The following SCUBE2 variants were observed in gnomAD, a reference collection of about 807,000 sequenced individuals.
The protein encoded by SCUBE2 is signal peptide, CUB and EGF-like domain-containing protein 2.
Under a neutral mutation model 125.9 loss-of-function variants are expected in SCUBE2, and 114 were observed. The observed-to-expected ratio is 0.91, with a 90% CI of 0.78 to 1.06. The LOEUF (loss-of-function observed/expected upper bound fraction) is 1.06, where lower values mean the gene tolerates loss of function less well. Among genes scored for constraint, SCUBE2 ranks in the 50% least tolerant of loss-of-function variants. The pLI is 0.00. For synonymous variants in SCUBE2, 459 were observed against 492.9 expected, an observed-to-expected ratio of 0.93 and a Z score of 0.91; for missense variants, 1,255 against 1,301.8, an observed-to-expected ratio of 0.96 and a Z score of 0.55.
intron 9 of SCUBE2, 122 bp downstream of exon 9, chr11:9,059,181 G>A (rs1859414880): frequency 1.8e-6 from 2 of 1,116,092 alleles, no homozygotes; most frequent in South Asian, 3.2e-5. Context: ...GCCTAGGAAG[G>A]AGATTGGATT....
chr11:9,074,415 T>G (rs1010704374), intron 4 of SCUBE2, 66 bp downstream of exon 4: 1 of 1,578,700 alleles, frequency 6.3e-7, no homozygotes. Context: ...TCAGTGTGTG[T>G]GTGCGCGTGC....
chr11:9,086,495 C>T (rs969222619), intron 2 of SCUBE2, among the ~76,000 whole-genome samples: 1 of 152,212 alleles, frequency 6.6e-6, no homozygotes, highest in Non-Finnish European at 1.5e-5. Flanking sequence ...CTCATTTCCT[C>T]TCCTTTTCCT....
intron 4 of SCUBE2, among the ~76,000 whole-genome samples, chr11:9,071,135 G>A (rs1401104024): frequency 2.6e-5 from 4 of 152,280 alleles, no homozygotes; most frequent in Admixed American, 6.5e-5. Context: ...TGGGTCAGCC[G>A]AGCATGGGAA....
intron 1 of SCUBE2, 68 bp from the exon 2 acceptor site, chr11:9,089,897 T>C: frequency 6.4e-7 from 1 of 1,567,248 alleles, no homozygotes; most frequent in East Asian, 2.3e-5. Context: ...CTCGGCCCTG[T>C]CTGGCATCAT....
intron 5 of SCUBE2, 139 bp from the exon 6 acceptor site, chr11:9,066,952 A>G (rs1860305096): frequency 1.5e-6 from 1 of 678,700 alleles, no homozygotes; most frequent in East Asian, 2.7e-5. Context: ...CACGAAAGAC[A>G]TAACTCCAAG....
At position 9,091,427 on chromosome 11, in the gene SCUBE2, C is replaced by T; in HGVS notation, c.102G>A (p.Pro34=). The change falls in exon 1 of 23, where the codon CCG becomes CCA. Residue 34 remains proline, a synonymous_variant. Coordinates refer to ENST00000649792, the MANE Select transcript of SCUBE2 (RefSeq NM_001367977.2). The surrounding 1 kb of genome is among the most constrained non-coding windows in gnomAD (Gnocchi z 8.5). ...PLLLLAGAVP[P]GRGRAAGPQE... The stretch of plus-strand genomic sequence containing the variant: ...GCGGCCCCGCGGCACGGCCCCGACC[C>T]GGCGGGACGGCCCCCGCCAGCAGCA... 2.3e-6 allele frequency: 3 copies of T among 1,331,770 alleles called. No homozygotes were observed. Among genetic ancestry groups the T allele is most frequent in the Non-Finnish European group, 2.9e-6 (3 of 1,042,794 alleles). 82.5% of individuals were successfully genotyped at this position (1,331,770 alleles called of 1,614,324 possible).
Position 9,053,174 on chromosome 11 carries a change from A to C in SCUBE2, c.1372T>G (p.Ser458Ala), listed in dbSNP as rs148834778. 1.2e-4 allele frequency: 196 copies of C among 1,614,228 alleles called. No individual in the cohort carries two copies. Among genetic ancestry groups the C allele is most frequent in the Non-Finnish European group, 1.6e-4 (189 of 1,180,040 alleles). The part of the protein sequence containing the change: ...LLPTSVSPRV[S>A]LHCGKSGGGD... ...CCACCACTCTTACCGCAGTGCAGGG[A>C]CACACGGGGTGACACACTTGTGGGC... The change falls in exon 12 of 23, where the codon TCC becomes GCC. Residue 458 changes from serine (S) to alanine (A), a missense_variant. Physicochemically the swap from Ser to Ala is moderately conservative, Grantham distance 99 (BLOSUM62 1). Around this residue, in one of 3 missense-constraint regions of SCUBE2, gnomAD observed 378 missense variants for 463.1 expected, o/e 0.82. Transcript: ENST00000649792.
intron 16 of SCUBE2, among the ~76,000 whole-genome samples, chr11:9,044,958 C>A (rs1167108223): frequency 6.6e-6 from 1 of 152,306 alleles, no homozygotes; most frequent in South Asian, 2.1e-4. Flanking sequence ...CTCACCTTGG[C>A]CTGGCACTTT....
At chr11:9,038,150 T>G (rs1732893975) in intron 16 of SCUBE2, among the ~76,000 whole-genome samples, 1 of 152,112 alleles carries the variant, frequency 6.6e-6, no homozygotes, top group Non-Finnish European at 1.5e-5. Context: ...CTAATGGGGT[T>G]CTCAGGGCAG....
intron 10 of SCUBE2, 77 bp from the exon 11 acceptor site, chr11:9,053,836 G>T: frequency 1.3e-6 from 2 of 1,540,630 alleles, no homozygotes; most frequent in Non-Finnish European, 1.8e-6. Flanking sequence ...TGAGGAAGGA[G>T]CAGCAGGGGA....
chr11:9,021,326 T>G (rs1447679395), intron 22 of SCUBE2, 129 bp from the exon 23 acceptor site: 3 of 637,090 alleles, frequency 4.7e-6, no homozygotes, highest in Non-Finnish European at 7.1e-6. Flanking sequence ...AAAAATTGTT[T>G]CCTCTGATTT....
intron 16 of SCUBE2, among the ~76,000 whole-genome samples, chr11:9,037,832 C>T (rs1448322468): frequency 1.3e-5 from 2 of 152,210 alleles, no homozygotes; most frequent in Non-Finnish European, 2.9e-5. Context: ...GAAATGAGCC[C>T]AGCTTGATGC....
At position 9,053,751 on chromosome 11, in the gene SCUBE2, C is replaced by T; in HGVS notation, c.1216G>A (p.Glu406Lys). 2 of 1,613,256 alleles carry T rather than the reference C, an allele frequency of 1.2e-6. No individual in the cohort carries two copies. Among genetic ancestry groups the T allele is most frequent in the South Asian group, 1.1e-5 (1 of 91,020 alleles). ...YGFTHCGDTNECSINNGGCQQ... is the reference protein window; with the variant it reads ...YGFTHCGDTNKCSINNGGCQQ... ...CAGCCTCCGTTGTTGATGCTGCACT[C>T]ATTGGTGTCTGTGGAACAAAATACT... Residue 406 changes from glutamate (E) to lysine (K), a missense_variant, in exon 11 of 23, where the codon GAG becomes AAG. Glu to Lys is a moderately conservative substitution (Grantham distance 56). Coordinates refer to ENST00000649792, the MANE Select transcript of SCUBE2 (RefSeq NM_001367977.2).
At chr11:9,030,168 A>T in intron 18 of SCUBE2, 123 bp from the exon 19 acceptor site, 1 of 1,121,054 alleles carries the variant, frequency 8.9e-7, no homozygotes, top group Admixed American at 2.5e-5. Flanking sequence ...GGGCTTTCCT[A>T]CCAATCTGGG....
At chr11:9,040,099 G>A (rs1428147503) in intron 16 of SCUBE2, among the ~76,000 whole-genome samples, 6 of 152,144 alleles carry the variant, frequency 3.9e-5, no homozygotes, top group Non-Finnish European at 8.8e-5. Flanking sequence ...TCTGCTCCTA[G>A]CACAGCAGCC....
Position 9,030,186 on chromosome 11 carries a change from A to G in SCUBE2, c.2342-141T>C, listed in dbSNP as rs566314214. ...CTTTCCTACCAATCTGGGGCTAATC[A>G]ACACTTAATTCCCTAAATAGGCAGT... On this transcript the variant is annotated intron_variant, in intron 18 of 22. Transcript: ENST00000649792. 4 of 883,326 alleles carry G rather than the reference A, an allele frequency of 4.5e-6. No individual in the cohort carries two copies. In the South Asian group the frequency reaches 7.1e-5, roughly 16 times the overall value. 54.7% of individuals were successfully genotyped at this position (883,326 alleles called of 1,614,324 possible).
At chr11:9,072,889 G>A (rs892989155) in intron 4 of SCUBE2, among the ~76,000 whole-genome samples, 1 of 152,242 alleles carries the variant, frequency 6.6e-6, no homozygotes, top group Non-Finnish European at 1.5e-5. Flanking sequence ...GGTATGAGGA[G>A]CCTGTGTCTC....
At chr11:9,043,511 G>A (rs1221068930) in intron 16 of SCUBE2, among the ~76,000 whole-genome samples, 2 of 151,282 alleles carry the variant, frequency 1.3e-5, no homozygotes, top group Non-Finnish European at 1.5e-5. Flanking sequence ...ATGGTACAAA[G>A]GTCACTTGGA....
rs1028930091 is a variant in SCUBE2, at chr11:9,027,478, C to T, written c.2587G>A (p.Glu863Lys). 12 of 1,614,092 alleles carry T rather than the reference C, an allele frequency of 7.4e-6. No homozygotes were observed. The highest frequency in any genetic ancestry group is 3.3e-5 in the Admixed American group (2 of 60,010). Residue 863 changes from glutamate (E) to lysine (K), a missense_variant, in exon 20 of 23, where the codon GAG (glutamate) becomes AAG (lysine). Transcript: ENST00000649792. ...GGTGGGTTGATGGTCCACGTACACT[C>T]GGTGTTGGCTGGGTAATTGCCTGGG... Reference protein sequence around the residue: ...NYPGNYPANTECTWTINPPPK... With the variant: ...NYPGNYPANTKCTWTINPPPK...
Sources: gnomAD v4.1 joint callset for allele counts (sites outside exome capture counted in the v4.1 genomes callset) on GRCh38, gnomAD v4.1.1 for gene constraint, gnomAD v4.1.1 regional missense constraint, Gnocchi (gnomAD v3.1) non-coding constraint, MANE v1.5 for transcripts, NCBI Gene and HGNC (gene_info 2026-07-23, HGNC 2026-07-21) for gene names.